The following TTC23L variants were observed in gnomAD, a reference collection of about 807,000 sequenced individuals.
The protein encoded by TTC23L is tetratricopeptide repeat protein 23-like.
Under a neutral mutation model 48.1 loss-of-function variants are expected in TTC23L, and 42 were observed. The ratio of observed to expected loss-of-function variants is 0.87; its 90% CI spans 0.68 to 1.13. TTC23L has a LOEUF of 1.13. TTC23L is among the 50% of genes most tolerant of loss of function. The pLI is 0.00. For missense variants in TTC23L, 391 were observed against 421.0 expected, an observed-to-expected ratio of 0.93 and a Z score of 0.62; for synonymous variants, 159 against 157.2, an observed-to-expected ratio of 1.01 and a Z score of -0.09.
intron 9 of TTC23L, among the ~76,000 whole-genome samples, chr5:34,891,757 G>C (rs548562506): frequency 1.0e-3 from 152 of 152,294 alleles, no homozygotes; most frequent in African/African-American, 3.6e-3. Flanking sequence ...AGAATATCTG[G>C]AATGAATCTA....
At chr5:34,872,431 A>C (rs980824227) in intron 8 of TTC23L, among the ~76,000 whole-genome samples, 1 of 152,236 alleles carries the variant, frequency 6.6e-6, no homozygotes, top group African/African-American at 2.4e-5. Flanking sequence ...GAGATTTGAT[A>C]AAAACTCTGG....
chr5:34,915,837 C>A, the TTC23L span: 1 of 1,570,566 alleles, frequency 6.4e-7, no homozygotes, highest in South Asian at 1.2e-5. Context: ...CTAAGCGGCA[C>A]GCCACAGCAG....
intron 7 of TTC23L, 164 bp from the exon 8 acceptor site, chr5:34,868,741 A>G: frequency 1.6e-6 from 1 of 617,424 alleles, no homozygotes; most frequent in Non-Finnish European, 2.9e-6. Context: ...CCAAACCCTA[A>G]TCAGTGGGAA....
intron 4 of TTC23L, chr5:34,861,453 CTTTT>C (rs1234697493): frequency 1.3e-5 from 2 of 153,358 alleles, no homozygotes; most frequent in Non-Finnish European, 2.9e-5. Context: ...ATTTGAAATG[CTTTT>C]TTATGGTTCT....
downstream of TTC23L, chr5:34,902,501 ACT>A: frequency 4.2e-6 from 1 of 236,830 alleles, no homozygotes; most frequent in Non-Finnish European, 9.1e-6. Context: ...ATATCAACGC[ACT>A]CAGTGCTTAC....
At chr5:34,896,504 C>T (rs538932878) in intron 9 of TTC23L, among the ~76,000 whole-genome samples, 1 of 152,328 alleles carries the variant, frequency 6.6e-6, no homozygotes, top group South Asian at 2.1e-4. Flanking sequence ...TCAGTTTCTT[C>T]ATCTTCATTC....
intron 2 of TTC23L, among the ~76,000 whole-genome samples, chr5:34,841,800 A>C (rs1457507160): frequency 1.3e-5 from 2 of 152,330 alleles, no homozygotes; most frequent in Non-Finnish European, 2.9e-5. Flanking sequence ...TACAGGCATG[A>C]GCCACTGTGC....
intron 6 of TTC23L, 83 bp downstream of exon 6, chr5:34,864,645 C>CA: frequency 7.0e-7 from 1 of 1,429,404 alleles, no homozygotes; most frequent in Non-Finnish European, 9.3e-7. Flanking sequence ...ATATTTAGAG[C>CA]AAAAAAACCC....
At chr5:34,901,376 T>C (rs187738440), downstream of TTC23L, among the ~76,000 whole-genome samples, 2 of 152,350 alleles carry the variant, frequency 1.3e-5, no homozygotes, top group East Asian at 1.9e-4. Flanking sequence ...TTGGGAGGAA[T>C]AGTTTGAACC....
chr5:34,846,600 T>TATATATATATACACAC (rs61009546), intron 3 of TTC23L, among the ~76,000 whole-genome samples: 1 of 92,912 alleles, frequency 1.1e-5, no homozygotes, highest in African/African-American at 5.2e-5. Flanking sequence ...TATATATATA[T>TATATATATATACACAC]ACACACACAT....
chr5:34,890,492 C>A (rs563300642), intron 9 of TTC23L, among the ~76,000 whole-genome samples: 1 of 147,376 alleles, frequency 6.8e-6, no homozygotes, highest in African/African-American at 2.5e-5. Context: ...CATAAGATAG[C>A]TGGTAAATGT....
the TTC23L span, chr5:34,924,794 C>T: frequency 7.7e-7 from 1 of 1,303,486 alleles, no homozygotes; most frequent in Non-Finnish European, 1.1e-6. Context: ...GCCAGTATAC[C>T]TTTTGGGAAT....
intron 5 of TTC23L, among the ~76,000 whole-genome samples, 152 bp from the exon 6 acceptor site, chr5:34,864,285 A>AACATAATACATAAT (rs1264188835): frequency 6.6e-6 from 1 of 152,212 alleles, no homozygotes; most frequent in Non-Finnish European, 1.5e-5. Flanking sequence ...GCTTCTTGAC[A>AACATAATACATAAT]ACATAATACA....
chr5:34,898,665 T>C (rs142389139), intron 10 of TTC23L, among the ~76,000 whole-genome samples: 1 of 152,224 alleles, frequency 6.6e-6, no homozygotes, highest in Non-Finnish European at 1.5e-5. Context: ...GCCAGATAGC[T>C]TTCTATATTT....
chr5:34,871,465 A>G (rs1761462590), intron 8 of TTC23L, among the ~76,000 whole-genome samples: 2 of 152,232 alleles, frequency 1.3e-5, no homozygotes, highest in African/African-American at 4.8e-5. Flanking sequence ...TATAGTAAAG[A>G]TATCAGTCTT....
intron 3 of TTC23L, among the ~76,000 whole-genome samples, chr5:34,847,198 C>G (rs1182272193): frequency 6.6e-6 from 1 of 152,174 alleles, no homozygotes. Flanking sequence ...AAATTTATCT[C>G]TGTAAATGAC....
chr5:34,910,587 C>T, the TTC23L span, among the ~76,000 whole-genome samples: 2 of 152,034 alleles, frequency 1.3e-5, no homozygotes, highest in Admixed American at 1.3e-4. Context: ...GCCACCACGC[C>T]CAACTAATTT....
chr5:34,883,035 C>CA, intron 9 of TTC23L: 1 of 152,618 alleles, frequency 6.6e-6, no homozygotes, highest in Non-Finnish European at 1.5e-5. Context: ...GACCCTGTCT[C>CA]AAAAAACAAA....
At chr5:34,877,059 A>T (rs1761896574) in intron 8 of TTC23L, among the ~76,000 whole-genome samples, 1 of 152,216 alleles carries the variant, frequency 6.6e-6, no homozygotes, top group Admixed American at 6.5e-5. Flanking sequence ...AGAGGCAAAA[A>T]TCCTTAACAA....
Sources: allele counts gnomAD v4.1 joint callset (sites outside exome capture counted in the v4.1 genomes callset), GRCh38; gene constraint gnomAD v4.1.1; transcripts MANE v1.5; gene names NCBI Gene and HGNC (gene_info 2026-07-23, HGNC 2026-07-21).